GRIK2: variants seen among roughly 807,000 people sequenced by gnomAD.
The protein encoded by GRIK2 is glutamate receptor ionotropic, kainate 2.
GRIK2 carries 32 observed loss-of-function variants against 100.3 expected under a neutral mutation model. The observed-to-expected ratio is 0.32, with a 90% CI of 0.24 to 0.43. The LOEUF is 0.43. Ranked by LOEUF, GRIK2 falls within the 20% of genes least tolerant of loss-of-function variation. The probability of loss-of-function intolerance (pLI) is 1.00; values close to 1 mark genes in which losing one functional copy is unlikely to be tolerated. For synonymous variants in GRIK2, 417 were observed against 389.4 expected (o/e 1.07, Z -0.83); for missense variants, 843 against 1,114.9 (o/e 0.76, Z 3.47).
chr6:101,921,418 G>A lies in GRIK2; in HGVS notation c.1749-3183G>A, dbSNP rs182357042. The stretch of plus-strand genomic sequence containing the variant: ...TTTGGGGAAACAAATAATTGTATGA[G>A]CAGAAAAATATTAATTTGGAGGCCA... On this transcript the variant is annotated intron_variant, in intron 12 of 16. Coordinates refer to ENST00000369134, the MANE Select transcript of GRIK2 (RefSeq NM_021956.5). 5.9e-5 allele frequency among the ~76,000 whole-genome samples: 9 copies of A among 152,088 alleles called. No homozygotes were observed. In the East Asian group the frequency reaches 1.7e-3, roughly 29 times the overall value.
At chr6:102,062,425 A>G (rs1430366870) in intron 16 of GRIK2, among the ~76,000 whole-genome samples, 4 of 150,492 alleles carry the variant, frequency 2.7e-5, no homozygotes, top group Admixed American at 2.0e-4. Flanking sequence ...TTAAGATAAT[A>G]GAGTTCCTGT....
intron 7 of GRIK2, among the ~76,000 whole-genome samples, chr6:101,795,709 G>A (rs892597069): frequency 2.0e-5 from 3 of 152,174 alleles, no homozygotes; most frequent in Non-Finnish European, 4.4e-5. Context: ...AGAAGTGCAC[G>A]GACACCAGCA....
chr6:101,705,430 A>G (rs1344341621), intron 7 of GRIK2, among the ~76,000 whole-genome samples: 1 of 151,774 alleles, frequency 6.6e-6, no homozygotes, highest in Non-Finnish European at 1.5e-5. Context: ...TTATCCTCAC[A>G]TCATTAGACG....
intron 10 of GRIK2, among the ~76,000 whole-genome samples, chr6:101,846,007 G>T (rs1450110627): frequency 2.7e-5 from 4 of 146,196 alleles, no homozygotes; most frequent in African/African-American, 7.5e-5. Flanking sequence ...AAACAGCATT[G>T]TTTTTTTTTT....
intron 2 of GRIK2, among the ~76,000 whole-genome samples, chr6:101,577,611 T>C (rs1040069521): frequency 6.6e-6 from 1 of 152,088 alleles, no homozygotes; most frequent in Non-Finnish European, 1.5e-5. Context: ...CTATTTAGAG[T>C]ACACATAGTG....
At chr6:101,627,435 C>G (rs1468982558) in intron 4 of GRIK2, among the ~76,000 whole-genome samples, 1 of 152,100 alleles carries the variant, frequency 6.6e-6, no homozygotes, top group Admixed American at 6.5e-5. Flanking sequence ...AGCCACTGGA[C>G]CCATTCTGAA....
At chr6:102,036,727 T>C (rs1770293908) in intron 15 of GRIK2, among the ~76,000 whole-genome samples, 2 of 151,532 alleles carry the variant, frequency 1.3e-5, no homozygotes, top group South Asian at 4.2e-4. Context: ...GACATCACTT[T>C]TAGGACTTCT....
chr6:101,973,970 T>A (rs947606289), intron 14 of GRIK2, among the ~76,000 whole-genome samples: 2 of 151,952 alleles, frequency 1.3e-5, no homozygotes, highest in African/African-American at 4.8e-5. Context: ...AGAAGAAATA[T>A]ACATTTGGAT....
intron 2 of GRIK2, among the ~76,000 whole-genome samples, chr6:101,505,075 G>GT (rs930193740): frequency 4.8e-5 from 7 of 147,274 alleles, no homozygotes; most frequent in East Asian, 2.0e-4. Flanking sequence ...TTTTTTTGTC[G>GT]TTTTTTTACT....
chr6:101,548,437 A>C (rs1180960877), intron 2 of GRIK2, among the ~76,000 whole-genome samples: 1 of 151,978 alleles, frequency 6.6e-6, no homozygotes, highest in African/African-American at 2.4e-5. Flanking sequence ...TTTCTTCTAG[A>C]GTTTTTATGG....
chr6:101,706,209 A>T (rs573799490), intron 7 of GRIK2, among the ~76,000 whole-genome samples: 1 of 152,038 alleles, frequency 6.6e-6, no homozygotes, highest in South Asian at 2.1e-4. Flanking sequence ...TTGTTCTACC[A>T]AATACATTGC....
At chr6:101,586,188 C>T (rs1019055485) in intron 2 of GRIK2, among the ~76,000 whole-genome samples, 23 of 151,640 alleles carry the variant, frequency 1.5e-4, no homozygotes, top group South Asian at 2.1e-4. Flanking sequence ...GGAACTGAAA[C>T]GCCTGCATAA....
At chr6:101,799,841 A>T in intron 8 of GRIK2, 50 bp downstream of exon 8, 1 of 1,437,140 alleles carries the variant, frequency 7.0e-7, no homozygotes, top group South Asian at 1.2e-5. Context: ...GTCAAGCTGA[A>T]TGAAGTGAGA....
chr6:101,418,385 C>T (rs573532676), intron 2 of GRIK2, among the ~76,000 whole-genome samples: 14 of 152,140 alleles, frequency 9.2e-5, no homozygotes, highest in Middle Eastern at 3.4e-3. Context: ...CTTTTATGGA[C>T]TGGTACTAGA....
At chr6:101,746,181 C>A (rs1776408992) in intron 7 of GRIK2, among the ~76,000 whole-genome samples, 1 of 152,126 alleles carries the variant, frequency 6.6e-6, no homozygotes, top group Non-Finnish European at 1.5e-5. Flanking sequence ...TCCTTTCTAT[C>A]ATTTGTCTAA....
At chr6:102,008,053 C>T (rs1485044495) in intron 14 of GRIK2, among the ~76,000 whole-genome samples, 1 of 151,802 alleles carries the variant, frequency 6.6e-6, no homozygotes, top group East Asian at 1.9e-4. Flanking sequence ...AAAACAACAA[C>T]AACAACAACA....
intron 7 of GRIK2, among the ~76,000 whole-genome samples, chr6:101,784,864 C>G (rs764650166): frequency 3.3e-5 from 5 of 152,104 alleles, no homozygotes; most frequent in Admixed American, 1.3e-4. Context: ...TATAAATTAC[C>G]CAGTCTCAGG....
chr6:102,027,049 C>G (rs1769741151), intron 14 of GRIK2, among the ~76,000 whole-genome samples: 1 of 151,262 alleles, frequency 6.6e-6, no homozygotes, highest in East Asian at 1.9e-4. Flanking sequence ...AAATGGAAAT[C>G]TCAGCCAGAA....
intron 16 of GRIK2, among the ~76,000 whole-genome samples, chr6:102,064,329 C>T (rs1196107313): frequency 6.8e-6 from 1 of 147,134 alleles, no homozygotes; most frequent in African/African-American, 2.5e-5. Flanking sequence ...CCTTCCTTTC[C>T]TTTCCTTTCT....
Sources: allele counts gnomAD v4.1 joint callset (sites outside exome capture counted in the v4.1 genomes callset), GRCh38; gene constraint gnomAD v4.1.1; transcripts MANE v1.5; gene names NCBI Gene and HGNC (gene_info 2026-07-23, HGNC 2026-07-21).